The following ANO10 variants were observed in gnomAD, a reference collection of about 807,000 sequenced individuals.
ANO10 encodes anoctamin-10.
In ANO10, 77 loss-of-function variants were observed where a neutral mutation model predicts 74.7. The ratio of observed to expected loss-of-function variants is 1.03; its 90% CI spans 0.86 to 1.25. The LOEUF is 1.25. Among genes scored for constraint, ANO10 ranks in the 50% most tolerant of loss-of-function variants. The probability of loss-of-function intolerance (pLI) is 0.00; values close to 1 mark genes in which losing one functional copy is unlikely to be tolerated. For missense variants in ANO10, 721 were observed against 778.1 expected (o/e 0.93, Z 0.87); for synonymous variants, 279 against 284.9 (o/e 0.98, Z 0.21).
chr3:43,651,950 A>G lies in ANO10; in HGVS notation c.-12+39567T>C, dbSNP rs552308641. On this transcript the variant is annotated intron_variant, in intron 1 of 3. Transcript: ENST00000413397. The stretch of plus-strand genomic sequence containing the variant: ...CCTCTAGGGTTGGGGGCCGGGAGTA[A>G]TAAGGAAGATAGCATTTCTTACAAA... Among the ~76,000 whole-genome samples the G allele has an allele frequency of 3.9e-5, 6 of 152,288 alleles. No individual in the cohort carries two copies. The East Asian group carries it at 1.2e-3, about 29-fold the overall frequency.
At chr3:43,643,036 CTT>C (rs537354306) in intron 1 of ANO10, among the ~76,000 whole-genome samples, 5 of 142,826 alleles carry the variant, frequency 3.5e-5, no homozygotes, top group Admixed American at 1.4e-4. Context: ...TTTCTTTTTT[CTT>C]TTTTTTTTTT....
chr3:43,375,171 C>T (rs189874783), intron 12 of ANO10, among the ~76,000 whole-genome samples: 6 of 150,922 alleles, frequency 4.0e-5, no homozygotes, highest in Admixed American at 1.3e-4. Flanking sequence ...TTTGGGTGGG[C>T]GCAGTGGCTC....
intron 12 of ANO10, among the ~76,000 whole-genome samples, chr3:43,421,188 A>G (rs1220657298): frequency 2.7e-5 from 4 of 150,564 alleles, no homozygotes; most frequent in Non-Finnish European, 5.9e-5. Context: ...GCGCCACCAC[A>G]CTCCAGGGTA....
At chr3:43,607,364 A>C (rs565977792) in intron 1 of ANO10, among the ~76,000 whole-genome samples, 8 of 152,088 alleles carry the variant, frequency 5.3e-5, no homozygotes, top group African/African-American at 7.2e-5. Flanking sequence ...AACAAACAAA[A>C]AAAAAACCAA....
At chr3:43,388,311 T>C (rs546381998) in intron 12 of ANO10, among the ~76,000 whole-genome samples, 3 of 152,166 alleles carry the variant, frequency 2.0e-5, no homozygotes, top group East Asian at 1.9e-4. Context: ...GCAGTGATTA[T>C]AGAGTTTCAC....
chr3:43,482,251 T>C (rs1037833039), intron 11 of ANO10, among the ~76,000 whole-genome samples: 1 of 152,206 alleles, frequency 6.6e-6, no homozygotes, highest in African/African-American at 2.4e-5. Context: ...TGTCTCCCTA[T>C]AATGTATAAA....
chr3:43,574,021 C>T (rs905417660), intron 7 of ANO10, among the ~76,000 whole-genome samples: 1 of 151,976 alleles, frequency 6.6e-6, no homozygotes, highest in Non-Finnish European at 1.5e-5. Context: ...GTGGTGCAAT[C>T]TCGGCTCACT....
At chr3:43,667,808 T>C (rs915164621) in intron 1 of ANO10, among the ~76,000 whole-genome samples, 3 of 152,212 alleles carry the variant, frequency 2.0e-5, no homozygotes, top group Admixed American at 6.5e-5. Flanking sequence ...TCCCATGGTG[T>C]ATATATACAC....
At chr3:43,669,869 G>A (rs2084036039) in intron 1 of ANO10, among the ~76,000 whole-genome samples, 1 of 151,920 alleles carries the variant, frequency 6.6e-6, no homozygotes, top group Non-Finnish European at 1.5e-5. Flanking sequence ...GGGACTACAG[G>A]TGCCCGCCAC....
intron 6 of ANO10, among the ~76,000 whole-genome samples, chr3:43,576,386 C>A (rs1479456856): frequency 6.6e-6 from 1 of 152,134 alleles, no homozygotes; most frequent in Non-Finnish European, 1.5e-5. Flanking sequence ...TTATCTTTAT[C>A]CATAAAAGGG....
chr3:43,552,012 C>T (rs533347302), intron 10 of ANO10, among the ~76,000 whole-genome samples: 1 of 152,138 alleles, frequency 6.6e-6, no homozygotes, highest in African/African-American at 2.4e-5. Context: ...CTTTCTTTTT[C>T]CTGTCTTACT....
At chr3:43,373,701 C>G (rs1224888525) in intron 12 of ANO10, among the ~76,000 whole-genome samples, 1 of 152,212 alleles carries the variant, frequency 6.6e-6, no homozygotes, top group Non-Finnish European at 1.5e-5. Flanking sequence ...CCCAGGCACA[C>G]ACTCATTCTG....
At chr3:43,392,935 G>A (rs1436594113) in intron 12 of ANO10, among the ~76,000 whole-genome samples, 1 of 152,126 alleles carries the variant, frequency 6.6e-6, no homozygotes, top group African/African-American at 2.4e-5. Context: ...GGCATTTCCT[G>A]GTCCTCATTT....
rs143181086 is a variant in ANO10 at position 43,454,336 on chromosome 3, A to T, written c.1798-21609T>A. Among the ~76,000 whole-genome samples the T allele has an allele frequency of 3.3e-5, 5 of 152,322 alleles. No homozygotes were observed. The East Asian group carries it at 9.6e-4, about 29-fold the overall frequency. ...AGTGAGGACATTGACTTTTATTTTA[A>T]ATCAGATGGGAACCTGCTGGAGGTT... On this transcript the variant is annotated intron_variant, in intron 11 of 12. Transcript: ENST00000292246.
chr3:43,623,519 C>G (rs1455964602), upstream of ANO10, among the ~76,000 whole-genome samples: 1 of 152,164 alleles, frequency 6.6e-6, no homozygotes. Flanking sequence ...CCATAGCAGA[C>G]AAGCAATAAT....
intron 4 of ANO10, among the ~76,000 whole-genome samples, chr3:43,592,742 C>T (rs2081855413): frequency 6.6e-6 from 1 of 152,170 alleles, no homozygotes; most frequent in Admixed American, 6.5e-5. Flanking sequence ...CAAAGCTGCA[C>T]AGAGAATGAC....
At chr3:43,566,566 G>A (rs962796613) in intron 7 of ANO10, among the ~76,000 whole-genome samples, 8 of 152,204 alleles carry the variant, frequency 5.3e-5, no homozygotes, top group Non-Finnish European at 1.2e-4. Context: ...GCACCCCCCA[G>A]CAGGGGTACA....
At chr3:43,491,392 T>C (rs1373579778) in intron 11 of ANO10, among the ~76,000 whole-genome samples, 6 of 152,206 alleles carry the variant, frequency 3.9e-5, no homozygotes, top group African/African-American at 1.4e-4. Flanking sequence ...CAGGCACCTG[T>C]AATCCCAGCT....
chr3:43,372,536 C>T (rs566501822), intron 12 of ANO10, among the ~76,000 whole-genome samples: 6 of 152,356 alleles, frequency 3.9e-5, no homozygotes, highest in Admixed American at 2.6e-4. Context: ...CCAGGCTTGC[C>T]TGCCCTGCCT....
Sources: allele counts gnomAD v4.1 joint callset (sites outside exome capture counted in the v4.1 genomes callset), GRCh38; gene constraint gnomAD v4.1.1; transcripts MANE v1.5; gene names NCBI Gene and HGNC (gene_info 2026-07-23, HGNC 2026-07-21).